The following ZNF804B variants were observed in gnomAD, a reference collection of about 807,000 sequenced individuals.
ZNF804B encodes zinc finger 804B.
Under a neutral mutation model 101.4 loss-of-function variants are expected in ZNF804B, and 80 were observed. That is an observed-to-expected ratio of 0.79 (90% CI 0.66 to 0.95). The LOEUF (loss-of-function observed/expected upper bound fraction) is 0.95, where lower values mean the gene tolerates loss of function less well. ZNF804B is among the 40% of genes least tolerant of loss of function. The pLI is 0.00. For missense variants in ZNF804B, 1,673 were observed against 1,561.9 expected (o/e 1.07, Z -1.20); for synonymous variants, 622 against 558.8 (o/e 1.11, Z -1.59).
At chr7:88,888,824 A>G (rs1792173029) in intron 1 of ZNF804B, among the ~76,000 whole-genome samples, 1 of 152,022 alleles carries the variant, frequency 6.6e-6, no homozygotes, top group Non-Finnish European at 1.5e-5. Context: ...AAGTCACAAG[A>G]CACTTACCGG....
chr7:89,015,735 A>G (rs1460152479), intron 1 of ZNF804B, among the ~76,000 whole-genome samples: 1 of 152,054 alleles, frequency 6.6e-6, no homozygotes, highest in African/African-American at 2.4e-5. Flanking sequence ...CCAGTCTATC[A>G]TTGTTGGACA....
chr7:89,237,810 C>G (rs1034588505), intron 2 of ZNF804B, among the ~76,000 whole-genome samples: 3 of 152,092 alleles, frequency 2.0e-5, no homozygotes, highest in Non-Finnish European at 4.4e-5. Context: ...AAATTACACA[C>G]CAAAGATCTG....
rs1014477595 is a variant in ZNF804B, at chr7:89,186,588, A to G, written c.109-31567A>G. Among the ~76,000 whole-genome samples, 3 of 149,624 alleles carry G rather than the reference A, an allele frequency of 2.0e-5. No individual in the cohort carries two copies. In the Admixed American group the frequency reaches 2.0e-4, roughly 10 times the overall value. On this transcript the variant is annotated intron_variant, in intron 1 of 3. Coordinates refer to ENST00000333190, the MANE Select transcript of ZNF804B (RefSeq NM_181646.5). ...ACTTTCAGATTTTATTTTCCCCTGT[A>G]TTTGCATTGCTTTTAAGTGTTACTT... is the stretch of plus-strand genomic sequence containing the variant.
rs781332488 is a variant in ZNF804B, at chr7:88,870,400, A to AAAAAAAAAAAAAAAAAAAAAAAG, written c.108+110323_108+110324insAAAAAAAAAAAAAAAGAAAAAAA. 8.5e-4 allele frequency among the ~76,000 whole-genome samples: 96 copies of AAAAAAAAAAAAAAAAAAAAAAAG among 112,568 alleles called. 3 individuals carry two copies. The highest frequency in any genetic ancestry group is 1.1e-3 in the Non-Finnish European group (59 of 55,048). The allele number at this position is 112,568 out of a possible 152,430, so 73.8% of individuals were successfully genotyped here. On this transcript the variant is annotated intron_variant, in intron 1 of 3. Transcript: ENST00000333190. ...ACTCCGTCTCAAAAAAAAAAAAAAA[A>AAAAAAAAAAAAAAAAAAAAAAAG]AAAAAAAGGTGGGTGATTGGAAAAC...
At chr7:89,016,906 G>A (rs193197482) in intron 1 of ZNF804B, among the ~76,000 whole-genome samples, 3 of 152,180 alleles carry the variant, frequency 2.0e-5, no homozygotes, top group Non-Finnish European at 4.4e-5. Context: ...GGATGGCATT[G>A]AATCTATAAA....
At chr7:89,169,818 A>T (rs1402695497) in intron 1 of ZNF804B, among the ~76,000 whole-genome samples, 2 of 152,184 alleles carry the variant, frequency 1.3e-5, no homozygotes, top group African/African-American at 2.4e-5. Context: ...TATTCTTATA[A>T]GCATACAGGT....
In ZNF804B at chr7:89,216,351, G is replaced by A. The variant is rs556064361; in HGVS notation, c.109-1804G>A. 7.2e-5 allele frequency among the ~76,000 whole-genome samples: 11 copies of A among 151,924 alleles called. No individual in the cohort carries two copies. In the East Asian group the frequency reaches 1.6e-3, roughly 21 times the overall value. On this transcript the variant is annotated intron_variant, in intron 1 of 3. Transcript: ENST00000333190. ...TAGTGAGAAAGAGTGGAGAAATAAT[G>A]GTTTCCCTTGATTCTAAGTCTACTA...
At chr7:89,193,128 G>A (rs529595755) in intron 1 of ZNF804B, among the ~76,000 whole-genome samples, 5 of 152,018 alleles carry the variant, frequency 3.3e-5, no homozygotes, top group Non-Finnish European at 5.9e-5. Context: ...ATTCAGCATA[G>A]TATTGGAAGT....
intron 1 of ZNF804B, among the ~76,000 whole-genome samples, chr7:89,192,182 A>T (rs1210063699): frequency 6.6e-6 from 1 of 152,098 alleles, no homozygotes; most frequent in African/African-American, 2.4e-5. Context: ...AAATGTATGC[A>T]TCCATGCATC....
intron 1 of ZNF804B, among the ~76,000 whole-genome samples, chr7:88,937,246 C>T (rs918211282): frequency 4.6e-5 from 7 of 151,972 alleles, no homozygotes; most frequent in Non-Finnish European, 1.0e-4. Flanking sequence ...TGATAGTCCG[C>T]TGGCATTCTG....
chr7:89,202,828 T>C (rs1036803906), intron 1 of ZNF804B, among the ~76,000 whole-genome samples: 1 of 152,140 alleles, frequency 6.6e-6, no homozygotes, highest in Non-Finnish European at 1.5e-5. Context: ...TCTTAAAAGA[T>C]TGTGGAGATT....
chr7:89,288,319 G>A (rs1790237944), intron 2 of ZNF804B, among the ~76,000 whole-genome samples: 1 of 152,060 alleles, frequency 6.6e-6, no homozygotes, highest in Non-Finnish European at 1.5e-5. Context: ...AAAGAAAGAA[G>A]AGAGAGAAAG....
At chr7:88,914,181 A>G (rs1792596563) in intron 1 of ZNF804B, among the ~76,000 whole-genome samples, 1 of 152,184 alleles carries the variant, frequency 6.6e-6, no homozygotes, top group Non-Finnish European at 1.5e-5. Context: ...GGTAATGAAC[A>G]CTGAGAAATG....
intron 1 of ZNF804B, among the ~76,000 whole-genome samples, chr7:89,078,281 A>G (rs371394760): frequency 6.6e-6 from 1 of 152,036 alleles, no homozygotes; most frequent in Non-Finnish European, 1.5e-5. Flanking sequence ...TTTAATCAGT[A>G]TATTTTGTGC....
At chr7:89,212,138 G>A (rs1421627374) in intron 1 of ZNF804B, among the ~76,000 whole-genome samples, 1 of 151,850 alleles carries the variant, frequency 6.6e-6, no homozygotes, top group African/African-American at 2.4e-5. Flanking sequence ...TGGACTAAAG[G>A]TGATAAAAAT....
intron 2 of ZNF804B, among the ~76,000 whole-genome samples, chr7:89,295,593 A>G (rs1790369516): frequency 6.6e-6 from 1 of 152,066 alleles, no homozygotes; most frequent in Non-Finnish European, 1.5e-5. Context: ...AATAATTTAT[A>G]TTTTATAAAT....
intron 1 of ZNF804B, among the ~76,000 whole-genome samples, chr7:89,050,859 T>G (rs1337383643): frequency 1.3e-5 from 2 of 152,136 alleles, no homozygotes; most frequent in African/African-American, 4.8e-5. Context: ...ACTTTTTATA[T>G]ACATATATTA....
At chr7:88,975,337 C>T (rs10224451) in intron 1 of ZNF804B, among the ~76,000 whole-genome samples, 55,276 of 151,018 alleles carry the variant, frequency 0.37, 12,237 homozygotes, top group African/African-American at 0.63. Context: ...TATTTTTAGT[C>T]TTTTGAGGAA....
At chr7:89,163,496 G>C (rs1367103628) in intron 1 of ZNF804B, among the ~76,000 whole-genome samples, 3 of 152,006 alleles carry the variant, frequency 2.0e-5, no homozygotes, top group Admixed American at 2.0e-4. Flanking sequence ...AAATGCAATG[G>C]CTTATTATGT....
Sources: gnomAD v4.1 joint callset for allele counts (sites outside exome capture counted in the v4.1 genomes callset) on GRCh38, gnomAD v4.1.1 for gene constraint, MANE v1.5 for transcripts, NCBI Gene and HGNC (gene_info 2026-07-23, HGNC 2026-07-21) for gene names.